Variants in VPS13A observed in about 807,000 individuals in gnomAD.
VPS13A encodes intermembrane lipid transfer protein VPS13A.
In VPS13A, 264 loss-of-function variants were observed where a neutral mutation model predicts 390.9. The ratio of observed to expected loss-of-function variants is 0.68; its 90% CI spans 0.61 to 0.75. The LOEUF is 0.75. Among genes scored for constraint, VPS13A ranks in the 30% least tolerant of loss-of-function variants. The pLI is 0.00. For missense variants in VPS13A, 3,409 were observed against 3,733.9 expected (o/e 0.91, Z 2.27); for synonymous variants, 1,231 against 1,227.1 (o/e 1.00, Z -0.07).
Position 77,340,181 on chromosome 9 carries a change from C to G in VPS13A, c.6778C>G (p.Gln2260Glu), listed in dbSNP as rs770095410. ...PNHFFNNNKV[Q>E]LMVTDSELSN... Reference sequence around the variant, plus strand: ...ATTTGGAATATTTTTTTCCTAGGTTCAACTTATGGTAACTGATAGTGAGTT... The same window carrying G: ...ATTTGGAATATTTTTTTCCTAGGTTGAACTTATGGTAACTGATAGTGAGTT... The change falls in exon 49 of 72, where the codon CAA (glutamine) becomes GAA (glutamate). Residue 2260 changes from glutamine to glutamate, a missense_variant. Physicochemically the swap from Gln to Glu is conservative, Grantham distance 29. Coordinates refer to ENST00000360280, the MANE Select transcript of VPS13A (RefSeq NM_033305.3). 4.3e-6 allele frequency: 7 copies of G among 1,612,616 alleles called. No homozygotes were observed. The Admixed American group carries it at 1.2e-4, about 27-fold the overall frequency.
Position 77,220,302 on chromosome 9 carries a change from AAT to A in VPS13A, c.909_910del (p.Glu303AspfsTer3). 6.2e-7 allele frequency: 1 copy of A among 1,612,358 alleles called. No homozygotes were observed. Among genetic ancestry groups the A allele is most frequent in the South Asian group, 1.1e-5 (1 of 90,856 alleles). On this transcript the variant is annotated frameshift_variant, in exon 12 of 72. Transcript: ENST00000360280. LOFTEE classifies it high-confidence loss of function. The stretch of plus-strand genomic sequence containing the variant: ...TATTTCAGTATTATGGAGCTTCTTG[AAT>A]CAGTTGATATGATGGCACAAAATCT...
chr9:77,380,562 G>A (rs887914112), intron 67 of VPS13A, among the ~76,000 whole-genome samples: 21 of 151,978 alleles, frequency 1.4e-4, no homozygotes, highest in African/African-American at 4.4e-4. Flanking sequence ...CGCCCGCCTC[G>A]GGCTCCCAAA....
At position 77,337,419 on chromosome 9, in the gene VPS13A, A is replaced by G. The variant is rs765695718; in HGVS notation, c.6260A>G (p.Asn2087Ser). 8 of 1,613,138 alleles carry G rather than the reference A, an allele frequency of 5.0e-6. No individual in the cohort carries two copies. Among genetic ancestry groups the G allele is most frequent in the Non-Finnish European group, 6.8e-6 (8 of 1,179,262 alleles). ...FLINIVPEKDNLTSLSVYSED... is the reference protein window; with the variant it reads ...FLINIVPEKDSLTSLSVYSED... Reference sequence around the variant, plus strand: ...ATTAATATTGTTCCAGAAAAAGATAATTTAACATCTCTATCAGTGTATTCA... The same window carrying G: ...ATTAATATTGTTCCAGAAAAAGATAGTTTAACATCTCTATCAGTGTATTCA... The change falls in exon 47 of 72, where the codon AAT (asparagine) becomes AGT (serine). Residue 2087 changes from asparagine to serine, a missense_variant. Asn to Ser is a conservative substitution (Grantham distance 46, BLOSUM62 1). Coordinates refer to ENST00000360280, the MANE Select transcript of VPS13A (RefSeq NM_033305.3).
At chr9:77,182,714 G>C (rs1824096628) in intron 1 of VPS13A, among the ~76,000 whole-genome samples, 1 of 151,978 alleles carries the variant, frequency 6.6e-6, no homozygotes, top group Non-Finnish European at 1.5e-5. Flanking sequence ...TCTCTATTTT[G>C]TTTTCTCCGA....
At chr9:77,226,105 CT>C in intron 14 of VPS13A, 117 bp downstream of exon 14, 1 of 919,844 alleles carries the variant, frequency 1.1e-6, no homozygotes, top group African/African-American at 1.7e-5. Context: ...GTTCAATTTG[CT>C]TTTTAGTATT....
intron 13 of VPS13A, among the ~76,000 whole-genome samples, chr9:77,222,176 G>C (rs1823257909): frequency 6.6e-6 from 1 of 152,066 alleles, no homozygotes; most frequent in African/African-American, 2.4e-5. Context: ...CAATGTGGGA[G>C]ACTTTCTGAA....
At chr9:77,186,801 A>G (rs1824367046) in intron 1 of VPS13A, among the ~76,000 whole-genome samples, 1 of 152,144 alleles carries the variant, frequency 6.6e-6, no homozygotes, top group South Asian at 2.1e-4. Flanking sequence ...AACCATCACC[A>G]CCATTCATCT....
At chr9:77,314,830 T>C (rs1284882758) in intron 37 of VPS13A, among the ~76,000 whole-genome samples, 166 bp downstream of exon 37, 1 of 152,174 alleles carries the variant, frequency 6.6e-6, no homozygotes, top group Non-Finnish European at 1.5e-5. Context: ...AATGTCCTGG[T>C]TCTGTTATGT....
At chr9:77,237,330 A>T (rs1217576047) in intron 17 of VPS13A, among the ~76,000 whole-genome samples, 1 of 152,032 alleles carries the variant, frequency 6.6e-6, no homozygotes, top group African/African-American at 2.4e-5. Flanking sequence ...TCATTCTCGA[A>T]GTCCTGCCTC....
At chr9:77,230,522 A>G (rs1032375807) in intron 17 of VPS13A, among the ~76,000 whole-genome samples, 3 of 152,140 alleles carry the variant, frequency 2.0e-5, no homozygotes, top group Non-Finnish European at 2.9e-5. Context: ...AGGCTTGTCA[A>G]AATTTATAAG....
intron 42 of VPS13A, among the ~76,000 whole-genome samples, chr9:77,320,727 T>C (rs1829698367): frequency 6.6e-6 from 1 of 152,138 alleles, no homozygotes. Context: ...TAAAGGGTAT[T>C]GATTCTTATG....
At chr9:77,403,512 C>A (rs1425375988) in intron 69 of VPS13A, among the ~76,000 whole-genome samples, 191 bp downstream of exon 69, 2 of 152,160 alleles carry the variant, frequency 1.3e-5, no homozygotes, top group African/African-American at 4.8e-5. Flanking sequence ...TACAGATAAA[C>A]ACAGTCATGC....
chr9:77,370,299 C>A lies in VPS13A; in HGVS notation c.8710C>A (p.Leu2904Ile), dbSNP rs1209956886. The change falls in exon 64 of 72, where the codon CTA (leucine) becomes ATA (isoleucine). Residue 2904 changes from leucine to isoleucine, a missense_variant. Transcript: ENST00000360280. Reference protein sequence around the residue: ...GPEEFVEGMALGLKALVGGAV... With the variant: ...GPEEFVEGMAIGLKALVGGAV... ...TGAAGAGTTTGTGGAAGGAATGGCA[C>A]TAGGACTTAAGGCACTAGTTGGTGG... 1 of 1,614,038 alleles carries A rather than the reference C, an allele frequency of 6.2e-7. No individual in the cohort carries two copies. The highest frequency in any genetic ancestry group is 8.5e-7 in the Non-Finnish European group (1 of 1,180,026).
rs769503145 is a variant in VPS13A at position 77,339,622 on chromosome 9, A to G, written c.6485A>G (p.Asn2162Ser). Residue 2162 changes from asparagine to serine, a missense_variant, in exon 48 of 72, where the codon AAT becomes AGT. Asn to Ser is a conservative substitution (Grantham distance 46, BLOSUM62 1). Transcript: ENST00000360280. ...CATTTAAAATTACTTGACTATCTCA[A>G]TCACGATTGGAAAAGTGAATATCAC... ...RLHLKLLDYL[N>S]HDWKSEYHIK... is the part of the protein sequence containing the mutation. 3.7e-6 allele frequency: 6 copies of G among 1,613,324 alleles called. No homozygotes were observed. The highest frequency in any genetic ancestry group is 2.7e-5 in the African/African-American group (2 of 74,872).
At chr9:77,330,208 G>A (rs1030459487) in intron 45 of VPS13A, among the ~76,000 whole-genome samples, 24 of 152,050 alleles carry the variant, frequency 1.6e-4, no homozygotes, top group African/African-American at 5.8e-4. Context: ...TAGAGACAGG[G>A]TCTCACTATA....
chr9:77,238,763 G>GT (rs1326043467), intron 19 of VPS13A, among the ~76,000 whole-genome samples: 1 of 152,136 alleles, frequency 6.6e-6, no homozygotes, highest in African/African-American at 2.4e-5. Context: ...TTTGAATAAG[G>GT]TCGGGTACGA....
At chr9:77,300,737 C>A (rs561874887) in intron 33 of VPS13A, among the ~76,000 whole-genome samples, 10 of 152,298 alleles carry the variant, frequency 6.6e-5, no homozygotes, top group Admixed American at 1.3e-4. Flanking sequence ...CTCAAAAAAA[C>A]AAACCAAACC....
intron 68 of VPS13A, chr9:77,384,829 AATTGT>A (rs1833614367): frequency 6.8e-7 from 1 of 1,468,314 alleles, no homozygotes; most frequent in African/African-American, 1.4e-5. Context: ...AAAGCAAAAT[AATTGT>A]ATTATTTAAG....
At chr9:77,402,155 ATAG>A (rs1193237741) in intron 68 of VPS13A, among the ~76,000 whole-genome samples, 1 of 152,198 alleles carries the variant, frequency 6.6e-6, no homozygotes, top group East Asian at 1.9e-4. Context: ...ACTACAGTAA[ATAG>A]TAAAGATATT....
Sources: allele counts gnomAD v4.1 joint callset (sites outside exome capture counted in the v4.1 genomes callset), GRCh38; gene constraint gnomAD v4.1.1; transcripts MANE v1.5; gene names NCBI Gene and HGNC (gene_info 2026-07-23, HGNC 2026-07-21).